The following POU2AF1 variants were observed in gnomAD, a reference collection of about 807,000 sequenced individuals.
The protein encoded by POU2AF1 is POU class 2 homeobox associating factor 1.
POU2AF1 carries 12 observed loss-of-function variants against 26.3 expected under a neutral mutation model. The ratio of observed to expected loss-of-function variants is 0.46; its 90% CI spans 0.29 to 0.74. POU2AF1 has a LOEUF of 0.74. POU2AF1 is among the 30% of genes least tolerant of loss of function. The probability of loss-of-function intolerance (pLI) is 0.09; values close to 1 mark genes in which losing one functional copy is unlikely to be tolerated. For synonymous variants in POU2AF1, 175 were observed against 148.0 expected (o/e 1.18, Z -1.32); for missense variants, 297 against 334.5 (o/e 0.89, Z 0.87).
intron 1 of POU2AF1, among the ~76,000 whole-genome samples, chr11:111,364,871 G>A (rs762364677): frequency 6.6e-6 from 1 of 152,222 alleles, no homozygotes; most frequent in Non-Finnish European, 1.5e-5. Flanking sequence ...ATCAAGGCTT[G>A]AATCTGGAAT....
intron 4 of POU2AF1, among the ~76,000 whole-genome samples, chr11:111,355,351 G>A (rs145315972): frequency 0.048 from 7,264 of 152,252 alleles, 225 homozygotes; most frequent in Middle Eastern, 0.15. Flanking sequence ...TCACCTGCAC[G>A]GCGACTGCCC....
intron 2 of POU2AF1, 80 bp downstream of exon 2, chr11:111,358,708 A>C (rs1003423013): frequency 2.7e-6 from 4 of 1,485,904 alleles, no homozygotes; most frequent in Admixed American, 4.0e-5. Context: ...TCACACACAC[A>C]TACACTCTCA....
chr11:111,360,022 G>A (rs1860975324), intron 1 of POU2AF1: 1 of 518,892 alleles, frequency 1.9e-6, no homozygotes, highest in African/African-American at 1.9e-5. Flanking sequence ...GCTGAGGGAA[G>A]GTTTCCTTCC....
chr11:111,361,835 A>G (rs1435686322), intron 1 of POU2AF1, among the ~76,000 whole-genome samples: 1 of 152,224 alleles, frequency 6.6e-6, no homozygotes, highest in Non-Finnish European at 1.5e-5. Context: ...GGCACAGAGC[A>G]TTTAATACAT....
chr11:111,377,981 C>T (rs908366740), intron 1 of POU2AF1: 3 of 167,432 alleles, frequency 1.8e-5, no homozygotes, highest in African/African-American at 4.8e-5. Context: ...CTTTTGATAT[C>T]AAACAATGGT....
At chr11:111,365,136 C>T (rs564169311) in intron 1 of POU2AF1, among the ~76,000 whole-genome samples, 17 of 152,306 alleles carry the variant, frequency 1.1e-4, no homozygotes, top group Middle Eastern at 3.4e-3. Flanking sequence ...TGCCCAAGTT[C>T]CAAGGCTCAT....
At position 111,372,047 on chromosome 11, in the gene POU2AF1, C is replaced by CAGAGAGAG. The variant is rs1421166360; in HGVS notation, c.16+7114_16+7115insCTCTCTCT. Among the ~76,000 whole-genome samples, 5 of 122,602 alleles carry CAGAGAGAG rather than the reference C, an allele frequency of 4.1e-5. No individual in the cohort carries two copies. In the East Asian group the frequency reaches 1.1e-3, roughly 28 times the overall value. 80.4% of individuals were successfully genotyped at this position (122,602 alleles called of 152,430 possible). ...ACACAAATACACACACACACACACA[C>CAGAGAGAG]ACACACACACACACACACACACAGA... On this transcript the variant is annotated intron_variant, in intron 1 of 4. Transcript: ENST00000393067.
chr11:111,368,281 T>C (rs1209371001), intron 1 of POU2AF1, among the ~76,000 whole-genome samples: 2 of 152,090 alleles, frequency 1.3e-5, no homozygotes, highest in Non-Finnish European at 1.5e-5. Flanking sequence ...GCAAGAGATA[T>C]GACTGTTGGA....
chr11:111,377,178 G>A (rs1404427247), intron 1 of POU2AF1, among the ~76,000 whole-genome samples: 1 of 150,138 alleles, frequency 6.7e-6, no homozygotes, highest in Non-Finnish European at 1.5e-5. Flanking sequence ...TCGAGACCAG[G>A]CTGAACAACA....
intron 4 of POU2AF1, 62 bp from the exon 5 acceptor site, chr11:111,354,637 T>C (rs1389917827): frequency 1.4e-6 from 2 of 1,401,166 alleles, no homozygotes; most frequent in Non-Finnish European, 1.9e-6. Context: ...CACCCATCCT[T>C]GCCCTTAGAG....
rs1191211470 is a variant in POU2AF1 at position 111,370,848 on chromosome 11, C to T, written c.16+8314G>A. Among the ~76,000 whole-genome samples the T allele has an allele frequency of 3.9e-5, 6 of 152,320 alleles. No individual in the cohort carries two copies. In the East Asian group the frequency reaches 9.6e-4, roughly 24 times the overall value. ...AATGCTATATGTTCCATGACACCTT[C>T]CCTGATTCCATCATCCCCACCTTCT... On this transcript the variant is annotated intron_variant, in intron 1 of 4. Coordinates refer to ENST00000393067, the MANE Select transcript of POU2AF1 (RefSeq NM_006235.3).
intron 1 of POU2AF1, 28 bp downstream of exon 1, chr11:111,379,134 G>A (rs1444993425): frequency 6.2e-7 from 1 of 1,613,922 alleles, no homozygotes; most frequent in South Asian, 1.1e-5. Context: ...ACTCGCTTGG[G>A]TCTGACAGCC....
intron 4 of POU2AF1, among the ~76,000 whole-genome samples, chr11:111,356,303 A>G (rs990952909): frequency 7.2e-5 from 11 of 152,168 alleles, no homozygotes; most frequent in African/African-American, 2.7e-4. Flanking sequence ...ACTCCTTCTT[A>G]TCTATCATCA....
At position 111,354,533 on chromosome 11, in the gene POU2AF1, C is replaced by T. The variant is rs771298239; in HGVS notation, c.499G>A (p.Gly167Ser). The T allele has an allele frequency of 1.3e-6, 2 of 1,555,280 alleles. No homozygotes were observed. Among genetic ancestry groups the T allele is most frequent in the African/African-American group, 1.4e-5 (1 of 71,950 alleles). ...GTGAGGGGTGCCTGGTGCTCTGGGC[C>T]CTCCAGCGGGGGCCCCACTGCGGGC... is the stretch of plus-strand genomic sequence containing the variant. ...ATPAVGPPLE[G>S]PEHQAPLTYF... The change falls in exon 5 of 5, where the codon GGC becomes AGC. Residue 167 changes from glycine (G) to serine (S), a missense_variant. Physicochemically the swap from Gly to Ser is moderately conservative, Grantham distance 56. Transcript: ENST00000393067.
chr11:111,379,115 C>T (rs1861371354), intron 1 of POU2AF1, 47 bp downstream of exon 1: 2 of 1,613,216 alleles, frequency 1.2e-6, no homozygotes, highest in Non-Finnish European at 1.7e-6. Flanking sequence ...ATCGCCCTGC[C>T]CCGCTGGCAC....
At position 111,359,252 on chromosome 11, in the gene POU2AF1, C is replaced by T. The variant is rs1196945172; in HGVS notation, c.17-334G>A. Reference sequence around the variant, plus strand: ...CCAGAAGGTCTGTCTGTGTTCTCTACGTGTTCCTGCGTGTCTCACCTCCTC... The same window carrying T: ...CCAGAAGGTCTGTCTGTGTTCTCTATGTGTTCCTGCGTGTCTCACCTCCTC... On this transcript the variant is annotated intron_variant, in intron 1 of 4. Transcript: ENST00000393067. 1.9e-5 allele frequency: 6 copies of T among 320,640 alleles called. No individual in the cohort carries two copies. In the East Asian group the frequency reaches 2.9e-4, roughly 16 times the overall value. The allele number at this position is 320,640 out of a possible 1,614,324, so 19.9% of individuals were successfully genotyped here. A position where few individuals can be genotyped will look rare whatever the true frequency, so the allele number is the denominator to read the frequency against.
At chr11:111,370,965 G>T (rs1393840208) in intron 1 of POU2AF1, among the ~76,000 whole-genome samples, 2 of 152,216 alleles carry the variant, frequency 1.3e-5, no homozygotes, top group East Asian at 3.8e-4. Flanking sequence ...ACCTGCATGG[G>T]ATGATGAATA....
At chr11:111,358,964 GC>G in intron 1 of POU2AF1, 46 bp from the exon 2 acceptor site, 2 of 1,561,500 alleles carry the variant, frequency 1.3e-6, no homozygotes, top group Non-Finnish European at 8.6e-7. Context: ...TCTCAGACGA[GC>G]CCCCACCCCA....
rs371811076 is a variant in POU2AF1, at chr11:111,358,685, C to T, written c.147+103G>A. 1.8e-4 allele frequency: 232 copies of T among 1,312,584 alleles called. 4 individuals carry two copies. The African/African-American group carries it at 2.7e-3, about 15-fold the overall frequency. The allele number at this position is 1,312,584 out of a possible 1,614,324, so 81.3% of individuals were successfully genotyped here. The stretch of plus-strand genomic sequence containing the variant: ...TATCACACACAAACACATACACACA[C>T]GCATACACATACTCACACACACATA... On this transcript the variant is annotated intron_variant, in intron 2 of 4. Transcript: ENST00000393067.
Sources: gnomAD v4.1 joint callset for allele counts (sites outside exome capture counted in the v4.1 genomes callset) on GRCh38, gnomAD v4.1.1 for gene constraint, MANE v1.5 for transcripts, NCBI Gene and HGNC (gene_info 2026-07-23, HGNC 2026-07-21) for gene names.